The following TBC1D12 variants were observed in gnomAD, a reference collection of about 807,000 sequenced individuals.
TBC1D12 encodes the protein TBC1 domain family member 12.
A neutral mutation model predicts 86.7 loss-of-function variants in TBC1D12; 56 were observed. The ratio of observed to expected loss-of-function variants is 0.65; its 90% CI spans 0.52 to 0.81. The LOEUF is 0.81. Among genes scored for constraint, TBC1D12 ranks in the 30% least tolerant of loss-of-function variants. The pLI, the probability that TBC1D12 is intolerant of heterozygous loss-of-function variation, is 0.00. For synonymous variants in TBC1D12, 421 were observed against 411.7 expected, an observed-to-expected ratio of 1.02 and a Z score of -0.27; for missense variants, 1,023 against 1,038.8, an observed-to-expected ratio of 0.98 and a Z score of 0.21.
intron 3 of TBC1D12, among the ~76,000 whole-genome samples, chr10:94,485,207 T>C (rs2056142693): frequency 6.6e-6 from 1 of 152,178 alleles, no homozygotes; most frequent in Non-Finnish European, 1.5e-5. Flanking sequence ...TTTTTCCCAT[T>C]AAATATGATA....
At position 94,495,109 on chromosome 10, in the gene TBC1D12, C is replaced by T. The variant is rs559477232; in HGVS notation, c.1294+1662C>T. Among the ~76,000 whole-genome samples the T allele has an allele frequency of 3.9e-5, 6 of 152,002 alleles. No homozygotes were observed. The East Asian group carries it at 5.8e-4, about 15-fold the overall frequency. On this transcript the variant is annotated intron_variant, in intron 4 of 12. Transcript: ENST00000225235. ...CGCAATCTCGGCTCACTGTGACCTC[C>T]GCTGCCTGGGTTCAAGTGATTCTCC...
At chr10:94,529,084 C>T (rs990918905) in intron 11 of TBC1D12, among the ~76,000 whole-genome samples, 21 of 151,940 alleles carry the variant, frequency 1.4e-4, no homozygotes, top group African/African-American at 4.1e-4. Context: ...GATCACAGCT[C>T]ACTGCAGCCT....
intron 3 of TBC1D12, among the ~76,000 whole-genome samples, chr10:94,484,350 C>A (rs1209355903): frequency 1.3e-5 from 2 of 151,266 alleles, no homozygotes; most frequent in East Asian, 3.9e-4. Flanking sequence ...TGGGTTCAAG[C>A]GATTCTCCTG....
At chr10:94,514,045 A>G (rs372558362) in intron 9 of TBC1D12, among the ~76,000 whole-genome samples, 3 of 125,102 alleles carry the variant, frequency 2.4e-5, no homozygotes, top group Admixed American at 2.3e-4. Flanking sequence ...ATCTCAAAAA[A>G]AAAACAAAAA....
chr10:94,465,650 A>AAG (rs1312617942), intron 2 of TBC1D12, among the ~76,000 whole-genome samples: 1 of 84,664 alleles, frequency 1.2e-5, no homozygotes, highest in Non-Finnish European at 2.5e-5. Context: ...TTGCCTAAAA[A>AAG]AAAAAATATA....
At chr10:94,487,873 T>TG (rs2056191198) in intron 3 of TBC1D12, among the ~76,000 whole-genome samples, 1 of 119,542 alleles carries the variant, frequency 8.4e-6, no homozygotes, top group Non-Finnish European at 1.9e-5. Context: ...GTTTTTTTTT[T>TG]GTTTTTTTAG....
At chr10:94,464,138 A>G (rs570309004) in intron 2 of TBC1D12, among the ~76,000 whole-genome samples, 24 of 152,052 alleles carry the variant, frequency 1.6e-4, no homozygotes, top group African/African-American at 5.6e-4. Flanking sequence ...ATCTACCTTT[A>G]TATTTAAAGT....
chr10:94,437,176 C>A (rs1047614790), intron 1 of TBC1D12, among the ~76,000 whole-genome samples: 1 of 151,998 alleles, frequency 6.6e-6, no homozygotes, highest in Non-Finnish European at 1.5e-5. Context: ...TGGTACCTCT[C>A]ACTTATTGTT....
Position 94,403,202 on chromosome 10 carries a change from GA to G in TBC1D12, c.590del (p.Asp197AlafsTer83), listed in dbSNP as rs2054795294. On this transcript the variant is annotated frameshift_variant, in exon 1 of 13. Coordinates refer to ENST00000225235, the MANE Select transcript of TBC1D12 (RefSeq NM_015188.2). LOFTEE classifies it high-confidence loss of function. The part of the protein sequence containing the change: ...SPSDWASPLE[D>X]PLRSCCLVAA... ...GTCCGATTGGGCCTCTCCGCTTGAG[GA>G]CCCGCTGCGGAGCTGCTGCCTGGTG... 6.7e-7 allele frequency: 1 copy of G among 1,501,500 alleles called. No individual in the cohort carries two copies. The highest frequency in any genetic ancestry group is 2.2e-5 in the Admixed American group (1 of 44,754). 93.0% of individuals were successfully genotyped at this position (1,501,500 alleles called of 1,614,324 possible).
intron 2 of TBC1D12, among the ~76,000 whole-genome samples, chr10:94,471,978 T>G (rs2055913977): frequency 6.6e-6 from 1 of 152,242 alleles, no homozygotes; most frequent in Admixed American, 6.5e-5. Context: ...ATACTTCATA[T>G]TGCATCATAC....
At chr10:94,530,953 G>A (rs1842405092) in intron 11 of TBC1D12, among the ~76,000 whole-genome samples, 3 of 149,774 alleles carry the variant, frequency 2.0e-5, no homozygotes, top group African/African-American at 7.4e-5. Flanking sequence ...TCCGCCTCCT[G>A]GGTTCGAGCG....
intron 2 of TBC1D12, among the ~76,000 whole-genome samples, chr10:94,471,133 G>A (rs1298976701): frequency 2.0e-5 from 3 of 151,988 alleles, no homozygotes; most frequent in East Asian, 1.9e-4. Context: ...AAAATTAGCC[G>A]GGCATGGTGG....
At chr10:94,424,508 G>A (rs2055121821) in intron 1 of TBC1D12, among the ~76,000 whole-genome samples, 1 of 152,144 alleles carries the variant, frequency 6.6e-6, no homozygotes, top group African/African-American at 2.4e-5. Flanking sequence ...ATATTCCAAC[G>A]AAAGAAGGAG....
At chr10:94,431,017 A>G (rs376234227) in intron 1 of TBC1D12, among the ~76,000 whole-genome samples, 4 of 152,280 alleles carry the variant, frequency 2.6e-5, no homozygotes, top group East Asian at 3.9e-4. Flanking sequence ...TGGTATTTAT[A>G]TAGTGTTGAT....
In TBC1D12 at chr10:94,424,507, C is replaced by T. The variant is rs181456913; in HGVS notation, c.972-17389C>T. ...TATTTGAGCACCACCTATATTCCAACGAAAGAAGGAGCTAGAATAAGGCCT... is the reference window on the plus strand; with the variant it reads ...TATTTGAGCACCACCTATATTCCAATGAAAGAAGGAGCTAGAATAAGGCCT... On this transcript the variant is annotated intron_variant, in intron 1 of 12. Transcript: ENST00000225235. Among the ~76,000 whole-genome samples the T allele has an allele frequency of 5.9e-5, 9 of 152,174 alleles. No individual in the cohort carries two copies. In the East Asian group the frequency reaches 1.2e-3, roughly 20 times the overall value.
intron 1 of TBC1D12, among the ~76,000 whole-genome samples, chr10:94,426,452 T>C (rs2055147736): frequency 6.6e-6 from 1 of 152,230 alleles, no homozygotes; most frequent in African/African-American, 2.4e-5. Context: ...GTTTTTCTCA[T>C]TTAGACTGTG....
chr10:94,408,315 A>T (rs1189271676), intron 1 of TBC1D12, among the ~76,000 whole-genome samples: 1 of 152,112 alleles, frequency 6.6e-6, no homozygotes, highest in Admixed American at 6.5e-5. Flanking sequence ...AAACATACAG[A>T]TCCATGTGGC....
chr10:94,436,832 C>T (rs570882006), intron 1 of TBC1D12, among the ~76,000 whole-genome samples: 10 of 151,200 alleles, frequency 6.6e-5, no homozygotes, highest in Admixed American at 4.6e-4. Context: ...TTTAGCCTCC[C>T]GAGTAGCTGG....
intron 2 of TBC1D12, among the ~76,000 whole-genome samples, chr10:94,461,025 G>A (rs1231972063): frequency 6.6e-6 from 1 of 151,890 alleles, no homozygotes; most frequent in Non-Finnish European, 1.5e-5. Flanking sequence ...TCTTTAAAAC[G>A]AATTCTGGTT....
Sources: gnomAD v4.1 joint callset for allele counts (sites outside exome capture counted in the v4.1 genomes callset) on GRCh38, gnomAD v4.1.1 for gene constraint, MANE v1.5 for transcripts, NCBI Gene and HGNC (gene_info 2026-07-23, HGNC 2026-07-21) for gene names.